Variants in LPA observed in about 807,000 individuals in gnomAD.
LPA encodes the protein apolipoprotein(a).
Under a neutral mutation model 197.9 loss-of-function variants are expected in LPA, and 199 were observed. The observed-to-expected ratio is 1.01, with a 90% CI of 0.90 to 1.13. The LOEUF is 1.13. LPA is among the 50% of genes most tolerant of loss of function. LPA has a pLI of 0.00. For missense variants in LPA, 1,853 were observed against 1,785.8 expected (o/e 1.04, Z -0.68); for synonymous variants, 715 against 639.5 (o/e 1.12, Z -1.78).
intron 1 of LPA, among the ~76,000 whole-genome samples, chr6:160,654,039 ATATAATATATAATATATTATATATAT>A (rs1562354878): frequency 0.014 from 215 of 14,980 alleles, 21 homozygotes; most frequent in African/African-American, 0.079. Flanking sequence ...TATATATTAT[ATATAATATATAATATATTATATATAT>A]TATATATAAT....
chr6:160,538,962 G>A (rs41266360), intron 36 of LPA, among the ~76,000 whole-genome samples: 3,159 of 152,286 alleles, frequency 0.021, 109 homozygotes, highest in African/African-American at 0.072. Context: ...GGGATGGTGG[G>A]GAGGACCCTG....
At chr6:160,659,913 C>G (rs749528783) in intron 1 of LPA, among the ~76,000 whole-genome samples, 5 of 152,178 alleles carry the variant, frequency 3.3e-5, no homozygotes, top group Non-Finnish European at 7.3e-5. Flanking sequence ...GAAGAAAGTA[C>G]AACGGGTACG....
intron 30 of LPA, among the ~76,000 whole-genome samples, chr6:160,553,477 G>T (rs528063320): frequency 1.3e-5 from 2 of 152,024 alleles, no homozygotes; most frequent in Admixed American, 6.5e-5. Context: ...TGTTTGTTTT[G>T]GCTGGACATG....
chr6:160,564,575 C>T (rs1415020929), intron 28 of LPA, among the ~76,000 whole-genome samples: 1 of 152,156 alleles, frequency 6.6e-6, no homozygotes, highest in Non-Finnish European at 1.5e-5. Context: ...CCACAGTTCC[C>T]AGCATGAGCA....
chr6:160,589,951 T>G (rs1778993902), intron 23 of LPA, among the ~76,000 whole-genome samples: 2 of 152,206 alleles, frequency 1.3e-5, no homozygotes, highest in South Asian at 4.1e-4. Context: ...CAGATCAGAG[T>G]GCCTATCAGT....
chr6:160,580,336 A>G (rs1778769540), intron 26 of LPA, among the ~76,000 whole-genome samples: 1 of 152,154 alleles, frequency 6.6e-6, no homozygotes, highest in South Asian at 2.1e-4. Flanking sequence ...AATAGTTTTT[A>G]TTTTGAGTTT....
intron 1 of LPA, among the ~76,000 whole-genome samples, chr6:160,654,057 T>A (rs7739456): frequency 0.056 from 331 of 5,864 alleles, 51 homozygotes; most frequent in African/African-American, 0.18. Flanking sequence ...TATAATATAT[T>A]ATATATATTA....
chr6:160,589,695 G>C lies in LPA; in HGVS notation c.3805C>G (p.Pro1269Ala), dbSNP rs1234412912. 6.2e-7 allele frequency: 1 copy of C among 1,613,854 alleles called. No individual in the cohort carries two copies. The highest frequency in any genetic ancestry group is 1.1e-5 in the South Asian group (1 of 91,078). The change falls in exon 24 of 39, where the codon CCC becomes GCC. Residue 1269 changes from proline (P) to alanine (A), a missense_variant. Physicochemically the swap from Pro to Ala is conservative, Grantham distance 27 (BLOSUM62 -1). This residue lies in a region of LPA where 1,737 missense variants were observed against 1,504.4 expected (regional missense o/e 1.15). Transcript: ENST00000316300. The part of the protein sequence containing the change: ...VSEQAPTEQS[P>A]TVQDCYHGDG... Reference sequence around the variant, plus strand: ...CCATGGTAGCAGTCCTGGACTGTGGGGCTTTGCTCCGTTGGTGCTGAAATT... The same window carrying C: ...CCATGGTAGCAGTCCTGGACTGTGGCGCTTTGCTCCGTTGGTGCTGAAATT...
rs376154958 is a variant in LPA at position 160,658,841 on chromosome 6, G to A, written c.49+5325C>T. 7.8e-4 allele frequency among the ~76,000 whole-genome samples: 109 copies of A among 139,072 alleles called. 1 individual carries two copies. The South Asian group carries it at 0.022, about 29-fold the overall frequency. 91.2% of individuals were successfully genotyped at this position (139,072 alleles called of 152,430 possible). On this transcript the variant is annotated intron_variant, in intron 1 of 38. Coordinates refer to ENST00000316300, the MANE Select transcript of LPA (RefSeq NM_005577.4). ...TCTGGTATGAAAATCTGTATTAGTC[G>A]GGGTTCTCTAGAGGGACAGAACTAA...
At chr6:160,562,700 GC>G (rs546284146) in intron 28 of LPA, among the ~76,000 whole-genome samples, 272 of 151,664 alleles carry the variant, frequency 1.8e-3, no homozygotes, top group African/African-American at 6.4e-3. Context: ...TCTGGTCTGG[GC>G]TTTTTTTGGT....
intron 2 of LPA, among the ~76,000 whole-genome samples, chr6:160,648,844 T>C (rs1194298237): frequency 1.3e-5 from 2 of 152,192 alleles, no homozygotes; most frequent in East Asian, 1.9e-4. Context: ...AATTATTATA[T>C]AGTGATATGT....
intron 18 of LPA, among the ~76,000 whole-genome samples, chr6:160,602,195 C>T (rs1193834050): frequency 6.6e-6 from 1 of 152,158 alleles, no homozygotes; most frequent in Non-Finnish European, 1.5e-5. Flanking sequence ...TGGATGTGCT[C>T]AGAGCTTGAG....
At chr6:160,555,951 G>A in intron 30 of LPA, 74 bp downstream of exon 30, 2 of 1,194,930 alleles carry the variant, frequency 1.7e-6, no homozygotes, top group Non-Finnish European at 2.5e-6. Context: ...TAACAAGTTA[G>A]CTTGAAGCAA....
At chr6:160,603,504 C>T (rs1317808718) in intron 18 of LPA, among the ~76,000 whole-genome samples, 5 of 152,068 alleles carry the variant, frequency 3.3e-5, no homozygotes, top group Non-Finnish European at 7.4e-5. Flanking sequence ...ATGGTATCTG[C>T]TTCATTCCGT....
intron 27 of LPA, among the ~76,000 whole-genome samples, chr6:160,578,042 G>A (rs1207224836): frequency 6.6e-6 from 1 of 152,174 alleles, no homozygotes; most frequent in Admixed American, 6.5e-5. Flanking sequence ...GTTACCTCCT[G>A]CTATGCAGCC....
At chr6:160,595,654 A>C in intron 20 of LPA, 119 bp from the exon 21 acceptor site, 3 of 1,445,080 alleles carry the variant, frequency 2.1e-6, no homozygotes, top group Non-Finnish European at 2.9e-6. Context: ...TTTTCACTAA[A>C]GGTCCCATAA....
chr6:160,556,173 G>T lies in LPA; in HGVS notation c.4825C>A (p.Gln1609Lys). ...EAHSEAAPTEQTPVVRQCYHG... is the reference protein window; with the variant it reads ...EAHSEAAPTEKTPVVRQCYHG... ...TAGCACTGCCGGACCACAGGGGTTT[G>T]CTCAGTTGGTGCTGAAAATAGACAA... The change falls in exon 30 of 39, where the codon CAA becomes AAA. Residue 1609 changes from glutamine (Q) to lysine (K), a missense_variant. This residue lies in a region of LPA where 1,737 missense variants were observed against 1,504.4 expected (regional missense o/e 1.15). Coordinates refer to ENST00000316300, the MANE Select transcript of LPA (RefSeq NM_005577.4). 6.2e-7 allele frequency: 1 copy of T among 1,613,770 alleles called. No individual in the cohort carries two copies. The highest frequency in any genetic ancestry group is 8.5e-7 in the Non-Finnish European group (1 of 1,179,864).
At chr6:160,568,885 G>A (rs1290841107) in intron 28 of LPA, among the ~76,000 whole-genome samples, 1 of 152,126 alleles carries the variant, frequency 6.6e-6, no homozygotes, top group East Asian at 1.9e-4. Flanking sequence ...ATTCACAATT[G>A]CTTCAAAGAG....
At chr6:160,551,340 T>C (rs990773893) in intron 30 of LPA, among the ~76,000 whole-genome samples, 1 of 152,226 alleles carries the variant, frequency 6.6e-6, no homozygotes, top group African/African-American at 2.4e-5. Context: ...TGTACATCTA[T>C]CTATCCCCAA....
Sources: allele counts gnomAD v4.1 joint callset (sites outside exome capture counted in the v4.1 genomes callset), GRCh38; gene constraint gnomAD v4.1.1; regional missense constraint gnomAD v4.1.1; transcripts MANE v1.5; gene names NCBI Gene and HGNC (gene_info 2026-07-23, HGNC 2026-07-21).